RAMP1: variants seen among roughly 807,000 people sequenced by gnomAD.
The protein encoded by RAMP1 is receptor activity-modifying protein 1.
Under a neutral mutation model 8.2 loss-of-function variants are expected in RAMP1, and 7 were observed. The observed-to-expected ratio is 0.85, with a 90% CI of 0.49 to 1.60. RAMP1 has a LOEUF of 1.60. Ranked by LOEUF, RAMP1 falls within the 40% of genes most tolerant of loss-of-function variation. The pLI is 0.00. For synonymous variants in RAMP1, 92 were observed against 84.7 expected, an observed-to-expected ratio of 1.09 and a Z score of -0.47; for missense variants, 192 against 202.4, an observed-to-expected ratio of 0.95 and a Z score of 0.31.
At chr2:237,883,312 A>T (rs926847570) in intron 2 of RAMP1, among the ~76,000 whole-genome samples, 2 of 151,612 alleles carry the variant, frequency 1.3e-5, no homozygotes, top group Non-Finnish European at 2.9e-5. Context: ...GTCAAAGGGG[A>T]CTCACCTTCC....
intron 2 of RAMP1, among the ~76,000 whole-genome samples, chr2:237,904,165 G>A (rs180713942): frequency 0.012 from 1,825 of 152,278 alleles, 39 homozygotes; most frequent in African/African-American, 0.042. Flanking sequence ...TGTAATCCCA[G>A]CACTTTGGGA....
At chr2:237,863,907 G>A (rs1027240008) in intron 1 of RAMP1, among the ~76,000 whole-genome samples, 3 of 151,904 alleles carry the variant, frequency 2.0e-5, no homozygotes, top group Admixed American at 6.6e-5. Flanking sequence ...CCTCCGCCAG[G>A]GTCAGCACCA....
intron 2 of RAMP1, among the ~76,000 whole-genome samples, chr2:237,886,655 T>C (rs1245653174): frequency 6.6e-6 from 1 of 152,188 alleles, no homozygotes; most frequent in East Asian, 1.9e-4. Flanking sequence ...CTTCTGGCCC[T>C]GGGGGAAGGC....
rs888320498 is a variant in RAMP1 at position 237,911,821 on chromosome 2, A to G, written c.*38A>G. On this transcript the variant is annotated 3_prime_UTR_variant, in exon 3 of 3. Coordinates refer to ENST00000254661, the MANE Select transcript of RAMP1 (RefSeq NM_005855.4). ...CTGCCCGCGGGTGCACCCAGGCTGC[A>G]GGGTGAGGCCAGGCAGGCCTGGGTA... 7 of 1,557,152 alleles carry G rather than the reference A, an allele frequency of 4.5e-6. No homozygotes were observed. The highest frequency in any genetic ancestry group is 6.1e-6 in the Non-Finnish European group (7 of 1,148,744).
Position 237,894,071 on chromosome 2 carries a change from G to A in RAMP1, c.191+16709G>A, listed in dbSNP as rs374648024. Among the ~76,000 whole-genome samples the A allele has an allele frequency of 2.1e-4, 29 of 138,288 alleles. No homozygotes were observed. In the East Asian group the frequency reaches 5.3e-3, roughly 25 times the overall value. The allele number at this position is 138,288 out of a possible 152,430, so 90.7% of individuals were successfully genotyped here. A position where few individuals can be genotyped will look rare whatever the true frequency, so the allele number is the denominator to read the frequency against. The stretch of plus-strand genomic sequence containing the variant: ...TGCAACCTCCGCCTCCCAAGTTCAC[G>A]TGATTCTTGTGCCTCAGCCTCCCTA... On this transcript the variant is annotated intron_variant, in intron 2 of 2. Transcript: ENST00000254661.
chr2:237,888,764 A>G (rs912948169), intron 2 of RAMP1, among the ~76,000 whole-genome samples: 4 of 151,964 alleles, frequency 2.6e-5, no homozygotes, highest in African/African-American at 4.8e-5. Flanking sequence ...TTCTTTTACA[A>G]ATTCTTTTTT....
Position 237,877,420 on chromosome 2 carries a change from G to A in RAMP1, c.191+58G>A, listed in dbSNP as rs564963802. The stretch of plus-strand genomic sequence containing the variant: ...GGTTGGGGAGGGAGAGGGGGCAAGC[G>A]GAGGAGGAGTGGACCACGTGGGAGC... On this transcript the variant is annotated intron_variant, in intron 2 of 2. Coordinates refer to ENST00000254661, the MANE Select transcript of RAMP1 (RefSeq NM_005855.4). This position sits in a 1 kb window ranked among gnomAD's most constrained non-coding sequence, Gnocchi z 4.4. 42 of 1,572,116 alleles carry A rather than the reference G, an allele frequency of 2.7e-5. No homozygotes were observed. The highest frequency in any genetic ancestry group is 2.2e-4 in the South Asian group (18 of 83,230).
chr2:237,905,493 G>A (rs572261901), intron 2 of RAMP1, among the ~76,000 whole-genome samples: 8 of 152,282 alleles, frequency 5.3e-5, no homozygotes, highest in East Asian at 1.9e-4. Context: ...GCGTGGCCTC[G>A]GCGTGGGTTC....
intron 2 of RAMP1, among the ~76,000 whole-genome samples, chr2:237,910,197 AAC>A (rs1422764191): frequency 2.0e-5 from 3 of 151,888 alleles, no homozygotes; most frequent in Admixed American, 1.3e-4. Flanking sequence ...CACACAGAAT[AAC>A]ACAGTTACAC....
chr2:237,911,363 C>G (rs564863626), intron 2 of RAMP1, among the ~76,000 whole-genome samples, 165 bp from the exon 3 acceptor site: 2 of 152,224 alleles, frequency 1.3e-5, no homozygotes, highest in African/African-American at 4.8e-5. Flanking sequence ...TTGGAGCCAT[C>G]GGGCCCCTGC....
At chr2:237,887,077 G>A (rs2062441742) in intron 2 of RAMP1, among the ~76,000 whole-genome samples, 1 of 144,870 alleles carries the variant, frequency 6.9e-6, no homozygotes, top group African/African-American at 2.5e-5. Context: ...CTCCTGGGCT[G>A]CCCATGGGGA....
chr2:237,902,894 G>A (rs914595856), intron 2 of RAMP1, among the ~76,000 whole-genome samples: 14 of 152,228 alleles, frequency 9.2e-5, no homozygotes, highest in East Asian at 3.8e-4. Flanking sequence ...AAAGTCCTTC[G>A]TGTTATTACC....
chr2:237,882,005 T>G (rs2062374028), intron 2 of RAMP1, among the ~76,000 whole-genome samples: 1 of 152,056 alleles, frequency 6.6e-6, no homozygotes, highest in South Asian at 2.1e-4. Flanking sequence ...CTCTAGCCTG[T>G]GTGGTCCCAC....
At chr2:237,873,242 A>C (rs969950466) in intron 1 of RAMP1, among the ~76,000 whole-genome samples, 1 of 152,222 alleles carries the variant, frequency 6.6e-6, no homozygotes, top group African/African-American at 2.4e-5. Flanking sequence ...TTCTCTCTCT[A>C]CAAACCTAAA....
At chr2:237,863,252 T>C (rs1297504313) in intron 1 of RAMP1, among the ~76,000 whole-genome samples, 1 of 152,058 alleles carries the variant, frequency 6.6e-6, no homozygotes, top group Non-Finnish European at 1.5e-5. Flanking sequence ...TGCTGGACCA[T>C]GTGCCCACTG....
intron 1 of RAMP1, chr2:237,874,619 C>G (rs1324689669): frequency 1.0e-6 from 1 of 974,022 alleles, no homozygotes; most frequent in Non-Finnish European, 1.2e-6. Context: ...GGTTCATGAC[C>G]CTGACACCCA....
intron 2 of RAMP1, among the ~76,000 whole-genome samples, chr2:237,883,345 G>A (rs1179205665): frequency 2.0e-5 from 3 of 152,168 alleles, no homozygotes; most frequent in African/African-American, 7.2e-5. Context: ...AGACAAAGGC[G>A]GCCGGCCAGC....
At chr2:237,879,439 A>G (rs1488000017) in intron 2 of RAMP1, among the ~76,000 whole-genome samples, 2 of 151,784 alleles carry the variant, frequency 1.3e-5, no homozygotes, top group African/African-American at 4.8e-5. Context: ...CCGAGTGGCC[A>G]TAGCTGGAAC....
chr2:237,906,278 C>G (rs2151023242), intron 2 of RAMP1, among the ~76,000 whole-genome samples: 1 of 152,292 alleles, frequency 6.6e-6, no homozygotes, highest in African/African-American at 2.4e-5. Context: ...GGCACACTCT[C>G]TGCTGCCTCT....
Sources: gnomAD v4.1 joint callset for allele counts (sites outside exome capture counted in the v4.1 genomes callset) on GRCh38, gnomAD v4.1.1 for gene constraint, Gnocchi (gnomAD v3.1) non-coding constraint, MANE v1.5 for transcripts, NCBI Gene and HGNC (gene_info 2026-07-23, HGNC 2026-07-21) for gene names.